The following SCGN variants were observed in gnomAD, a reference collection of about 807,000 sequenced individuals.
SCGN encodes secretagogin, EF-hand calcium binding protein.
In SCGN, 30 loss-of-function variants were observed where a neutral mutation model predicts 39.7. That is an observed-to-expected ratio of 0.76 (90% CI 0.57 to 1.03). The LOEUF is 1.03. Among genes scored for constraint, SCGN ranks in the 50% least tolerant of loss-of-function variants. The pLI is 0.00. For missense variants in SCGN, 353 were observed against 349.4 expected, an observed-to-expected ratio of 1.01 and a Z score of -0.08; for synonymous variants, 106 against 114.1, an observed-to-expected ratio of 0.93 and a Z score of 0.45.
rs2151379687 is a variant in SCGN, at chr6:25,673,932, A to C, written c.471+3856A>C. The stretch of plus-strand genomic sequence containing the variant: ...CAGGGAGCTTTTACTTATGGTAGAC[A>C]GTGAAGCAGGAGCAAGCACATCACA... On this transcript the variant is annotated intron_variant, in intron 6 of 10. Transcript: ENST00000377961. Among the ~76,000 whole-genome samples the C allele has an allele frequency of 2.6e-5, 4 of 152,328 alleles. No individual in the cohort carries two copies. In the Middle Eastern group the frequency reaches 0.014, roughly 518 times the overall value.
At chr6:25,658,274 C>T (rs966992006) in intron 2 of SCGN, among the ~76,000 whole-genome samples, 24 of 151,544 alleles carry the variant, frequency 1.6e-4, no homozygotes, top group South Asian at 2.1e-4. Flanking sequence ...CTCCTGCCCT[C>T]GTGATCCACC....
At chr6:25,674,032 G>A (rs555444397) in intron 6 of SCGN, among the ~76,000 whole-genome samples, 1 of 152,272 alleles carries the variant, frequency 6.6e-6, no homozygotes, top group Non-Finnish European at 1.5e-5. Context: ...GATGTTGGGA[G>A]AAATCATTCA....
intron 6 of SCGN, chr6:25,679,002 G>A (rs1204612821): frequency 1.3e-5 from 2 of 151,910 alleles, no homozygotes; most frequent in Non-Finnish European, 2.9e-5. Context: ...TTCCTGGACA[G>A]TTCTGGAGAT....
At chr6:25,661,955 T>C (rs2151377722) in intron 3 of SCGN, among the ~76,000 whole-genome samples, 1 of 152,334 alleles carries the variant, frequency 6.6e-6, no homozygotes, top group South Asian at 2.1e-4. Context: ...GATCTACTAT[T>C]TGTCTCTTTA....
At chr6:25,665,435 G>A (rs561898445) in intron 4 of SCGN, among the ~76,000 whole-genome samples, 2 of 152,268 alleles carry the variant, frequency 1.3e-5, no homozygotes, top group South Asian at 4.1e-4. Flanking sequence ...GAAAATAGCA[G>A]CAACTAATTT....
intron 6 of SCGN, among the ~76,000 whole-genome samples, chr6:25,677,107 G>T (rs1196429274): frequency 6.6e-6 from 1 of 151,782 alleles, no homozygotes; most frequent in Non-Finnish European, 1.5e-5. Context: ...CTATCTCGGT[G>T]CCTTTGTTCT....
chr6:25,662,260 T>C (rs1323705868), intron 3 of SCGN, among the ~76,000 whole-genome samples: 1 of 152,238 alleles, frequency 6.6e-6, no homozygotes, highest in Non-Finnish European at 1.5e-5. Context: ...CTTCCACATA[T>C]ATTTTGTTAT....
chr6:25,654,128 T>A (rs1760184427), intron 2 of SCGN, among the ~76,000 whole-genome samples: 1 of 152,218 alleles, frequency 6.6e-6, no homozygotes, highest in Non-Finnish European at 1.5e-5. Context: ...CTCGATCTGA[T>A]GAAAGCTCCA....
At position 25,669,564 on chromosome 6, in the gene SCGN, C is replaced by T. The variant is rs919298954; in HGVS notation, c.390C>T (p.Leu130=). ...DSSGFISAAE[L]RNFLRDLFLH... is the part of the protein sequence containing the mutation. ...GTGGCTTTATATCAGCTGCTGAGCT[C>T]CGCGTGAGTGTCACTGGGTGAAGGG... Residue 130 remains leucine (L), a synonymous_variant, in exon 5 of 11, where the codon CTC becomes CTT. Transcript: ENST00000377961. 1 of 1,612,514 alleles carries T rather than the reference C, an allele frequency of 6.2e-7. No homozygotes were observed. The highest frequency in any genetic ancestry group is 8.5e-7 in the Non-Finnish European group (1 of 1,178,722).
chr6:25,695,591 G>A (rs185798224), intron 10 of SCGN, among the ~76,000 whole-genome samples: 1 of 152,172 alleles, frequency 6.6e-6, no homozygotes, highest in Non-Finnish European at 1.5e-5. Flanking sequence ...GTGCAATGGC[G>A]TGATATTGGC....
chr6:25,653,311 CATATTT>C, intron 1 of SCGN, 65 bp from the exon 2 acceptor site: 1 of 1,086,808 alleles, frequency 9.2e-7, no homozygotes, highest in Non-Finnish European at 1.4e-6. Flanking sequence ...AGATTAAAAA[CATATTT>C]AGATAAATAC....
In SCGN at chr6:25,652,279, AG is replaced by A. The variant is rs1241510638; in HGVS notation, c.-124del. 1 of 764,982 alleles carries A rather than the reference AG, an allele frequency of 1.3e-6. No homozygotes were observed. Among genetic ancestry groups the A allele is most frequent in the Non-Finnish European group, 2.2e-6 (1 of 447,162 alleles). 47.4% of individuals were successfully genotyped at this position (764,982 alleles called of 1,614,324 possible). On this transcript the variant is annotated 5_prime_UTR_variant, in exon 1 of 11. Transcript: ENST00000377961. ...CAGCGCTCGCGTCCTCCCCAGCAACAGTTACTCAAAGCTAATCAGATAGCGA... is the reference window on the plus strand; with the variant it reads ...CAGCGCTCGCGTCCTCCCCAGCAACATTACTCAAAGCTAATCAGATAGCGA...
At chr6:25,697,229 C>G (rs1759850371) in intron 10 of SCGN, among the ~76,000 whole-genome samples, 1 of 152,208 alleles carries the variant, frequency 6.6e-6, no homozygotes, top group East Asian at 1.9e-4. Context: ...GAGACCTGGA[C>G]AGATATCTTA....
At chr6:25,698,437 T>G (rs1309499833) in intron 10 of SCGN, among the ~76,000 whole-genome samples, 1 of 152,246 alleles carries the variant, frequency 6.6e-6, no homozygotes, top group Non-Finnish European at 1.5e-5. Context: ...CACACTAATG[T>G]GTAAATGACT....
At chr6:25,660,338 G>T (rs1760315617) in intron 2 of SCGN, among the ~76,000 whole-genome samples, 1 of 152,142 alleles carries the variant, frequency 6.6e-6, no homozygotes, top group Non-Finnish European at 1.5e-5. Flanking sequence ...AGGAAGGCTG[G>T]ACAAAGATGC....
rs183490476 is a variant in SCGN, at chr6:25,656,514, C to A, written c.153+3062C>A. On this transcript the variant is annotated intron_variant, in intron 2 of 10. Transcript: ENST00000377961. Reference sequence around the variant, plus strand: ...TGCTGTTTCTGTTACTCCCTGCAAACCTTTTCTTTCCAAATGCTGAGATTT... The same window carrying A: ...TGCTGTTTCTGTTACTCCCTGCAAAACTTTTCTTTCCAAATGCTGAGATTT... Among the ~76,000 whole-genome samples, 3 of 152,306 alleles carry A rather than the reference C, an allele frequency of 2.0e-5. No homozygotes were observed. In the East Asian group the frequency reaches 5.8e-4, roughly 29 times the overall value.
At chr6:25,657,653 TTA>T (rs1432232122) in intron 2 of SCGN, among the ~76,000 whole-genome samples, 2 of 148,912 alleles carry the variant, frequency 1.3e-5, no homozygotes, top group African/African-American at 4.9e-5. Context: ...TTTTAAGATT[TTA>T]TATATATATA....
intron 10 of SCGN, among the ~76,000 whole-genome samples, chr6:25,697,286 A>C (rs1369328716): frequency 6.6e-6 from 1 of 152,234 alleles, no homozygotes; most frequent in African/African-American, 2.4e-5. Context: ...GTTTTCAAAC[A>C]CCAGTGTGGC....
chr6:25,674,739 C>T (rs1759543743), intron 6 of SCGN, among the ~76,000 whole-genome samples: 1 of 152,168 alleles, frequency 6.6e-6, no homozygotes, highest in South Asian at 2.1e-4. Flanking sequence ...AAGAGAAAAG[C>T]TGAGGTCTGC....
Sources: gnomAD v4.1 joint callset for allele counts (sites outside exome capture counted in the v4.1 genomes callset) on GRCh38, gnomAD v4.1.1 for gene constraint, MANE v1.5 for transcripts, NCBI Gene and HGNC (gene_info 2026-07-23, HGNC 2026-07-21) for gene names.